Variants in PYROXD2 observed in about 807,000 individuals in gnomAD.
The protein encoded by PYROXD2 is pyridine nucleotide-disulfide oxidoreductase domain-containing protein 2.
PYROXD2 carries 69 observed loss-of-function variants against 71.1 expected under a neutral mutation model. The observed-to-expected ratio is 0.97, with a 90% CI of 0.80 to 1.19. The LOEUF (loss-of-function observed/expected upper bound fraction) is 1.19. Among genes scored for constraint, PYROXD2 ranks in the 50% most tolerant of loss-of-function variants. The pLI, the probability that PYROXD2 is intolerant of heterozygous loss-of-function variation, is 0.00. For missense variants in PYROXD2, 745 were observed against 748.9 expected (o/e 0.99, Z 0.06); for synonymous variants, 287 against 302.7 (o/e 0.95, Z 0.54).
chr10:98,392,628 C>A, intron 9 of PYROXD2, 62 bp from the exon 10 acceptor site: 1 of 1,592,368 alleles, frequency 6.3e-7, no homozygotes, highest in South Asian at 1.1e-5. Context: ...TTAGATCTTC[C>A]GGGATTTCCA....
chr10:98,399,379 A>AAT (rs1564803473), intron 5 of PYROXD2, among the ~76,000 whole-genome samples: 1 of 152,070 alleles, frequency 6.6e-6, no homozygotes, highest in Non-Finnish European at 1.5e-5. Flanking sequence ...CATCTCAGCT[A>AAT]ATATCCAGGC....
chr10:98,397,307 G>A, intron 6 of PYROXD2, 38 bp downstream of exon 6: 1 of 1,534,014 alleles, frequency 6.5e-7, no homozygotes, highest in Non-Finnish European at 8.8e-7. Context: ...CTCCTTGAAG[G>A]TCACTCATCA....
intron 6 of PYROXD2, 151 bp downstream of exon 6, chr10:98,397,194 C>T (rs890595749): frequency 9.3e-6 from 10 of 1,070,674 alleles, no homozygotes; most frequent in African/African-American, 1.6e-5. Context: ...CAACAAAGTG[C>T]TCCAGGCTGC....
chr10:98,394,729 T>C (rs1843095101), intron 8 of PYROXD2, among the ~76,000 whole-genome samples: 1 of 151,998 alleles, frequency 6.6e-6, no homozygotes, highest in Non-Finnish European at 1.5e-5. Context: ...CTGAGGTGTC[T>C]GTGTGAGTGT....
chr10:98,385,311 G>C (rs1021230123), intron 14 of PYROXD2, among the ~76,000 whole-genome samples: 1 of 152,226 alleles, frequency 6.6e-6, no homozygotes, highest in South Asian at 2.1e-4. Context: ...AACTGAACGG[G>C]AAGGAAAAGA....
At chr10:98,386,504 C>T (rs1842759059) in intron 14 of PYROXD2, among the ~76,000 whole-genome samples, 1 of 151,696 alleles carries the variant, frequency 6.6e-6, no homozygotes, top group Non-Finnish European at 1.5e-5. Context: ...GTGCATTCTA[C>T]ACTTGCAGCA....
At chr10:98,394,408 T>A (rs767559514) in intron 8 of PYROXD2, among the ~76,000 whole-genome samples, 6 of 152,106 alleles carry the variant, frequency 3.9e-5, no homozygotes, top group African/African-American at 9.7e-5. Flanking sequence ...GCTTAATATG[T>A]GTTGAAAAAC....
rs74372089 is a variant in PYROXD2, at chr10:98,383,570, T to C, written c.*228A>G. On this transcript the variant is annotated 3_prime_UTR_variant, in exon 16 of 16. Transcript: ENST00000370575. The stretch of plus-strand genomic sequence containing the variant: ...GAGAAAAAATACAAGCAAAATAATC[T>C]GTATGAAATATTAGTTTTAATAAAA... The C allele has an allele frequency of 0.011, 6,685 of 581,896 alleles. 318 individuals are homozygous for C. The highest frequency in any genetic ancestry group is 0.1 in the African/African-American group (5,559 of 53,404). The allele number at this position is 581,896 out of a possible 1,614,324, so 36.0% of individuals were successfully genotyped here.
intron 14 of PYROXD2, among the ~76,000 whole-genome samples, chr10:98,386,410 C>T (rs963874430): frequency 2.6e-5 from 4 of 151,768 alleles, no homozygotes; most frequent in African/African-American, 9.7e-5. Flanking sequence ...TTATTTAGCC[C>T]AATATATCCA....
At chr10:98,384,826 G>A in intron 15 of PYROXD2, 121 bp downstream of exon 15, 1 of 1,370,408 alleles carries the variant, frequency 7.3e-7, no homozygotes, top group Non-Finnish European at 9.6e-7. Context: ...CTTATGTTGG[G>A]AGTTCCCTGC....
At chr10:98,392,037 G>A (rs1842960933) in intron 10 of PYROXD2, among the ~76,000 whole-genome samples, 1 of 152,162 alleles carries the variant, frequency 6.6e-6, no homozygotes, top group Non-Finnish European at 1.5e-5. Flanking sequence ...TGTATGCCCA[G>A]AAGTATTGTG....
intron 8 of PYROXD2, among the ~76,000 whole-genome samples, chr10:98,394,818 A>C (rs573521820): frequency 6.6e-6 from 1 of 152,134 alleles, no homozygotes; most frequent in Non-Finnish European, 1.5e-5. Context: ...AGAAGAGGGA[A>C]GGGAAGAGGA....
chr10:98,389,316 T>C (rs1403626982), intron 12 of PYROXD2, among the ~76,000 whole-genome samples: 1 of 152,088 alleles, frequency 6.6e-6, no homozygotes, highest in Non-Finnish European at 1.5e-5. Flanking sequence ...TACCCAGTCT[T>C]CCAACACTTC....
chr10:98,401,658 T>A (rs950969251), intron 4 of PYROXD2, among the ~76,000 whole-genome samples: 6 of 152,196 alleles, frequency 3.9e-5, no homozygotes, highest in African/African-American at 1.2e-4. Flanking sequence ...GTTTTTAAAA[T>A]TTTTTATTTT....
At position 98,400,094 on chromosome 10, in the gene PYROXD2, T is replaced by G; in HGVS notation, c.471+8A>C. 3.1e-6 allele frequency: 5 copies of G among 1,611,818 alleles called. No individual in the cohort carries two copies. The highest frequency in any genetic ancestry group is 4.2e-6 in the Non-Finnish European group (5 of 1,178,800). ...AGCAGGAGCTCAGTCACTGGTCGCCTTCCCTACCTGGGCATCCTTCTGGGA... is the reference window on the plus strand; with the variant it reads ...AGCAGGAGCTCAGTCACTGGTCGCCGTCCCTACCTGGGCATCCTTCTGGGA... On this transcript the variant is annotated splice_region_variant and intron_variant, in intron 5 of 15. Coordinates refer to ENST00000370575, the MANE Select transcript of PYROXD2 (RefSeq NM_032709.3).
intron 6 of PYROXD2, among the ~76,000 whole-genome samples, chr10:98,396,563 T>C (rs369294766): frequency 1.1e-4 from 16 of 152,348 alleles, no homozygotes; most frequent in African/African-American, 3.6e-4. Flanking sequence ...TCCATTCGCA[T>C]ACTCATGGCA....
rs367994394 is a variant in PYROXD2 at position 98,392,977 on chromosome 10, C to T, written c.892G>A (p.Ala298Thr). ...GALSDAIASS[A>T]TTHGASIFTE... ...AAGATGCTTGCTCCATGTGTGGTGGCTGAGCTTGCGATCGCATCAGAGAGG... is the reference window on the plus strand; with the variant it reads ...AAGATGCTTGCTCCATGTGTGGTGGTTGAGCTTGCGATCGCATCAGAGAGG... Residue 298 changes from alanine (A) to threonine (T), a missense_variant, in exon 9 of 16, where the codon GCC (alanine) becomes ACC (threonine). By Grantham distance (58) the Ala-to-Thr change is moderately conservative. Coordinates refer to ENST00000370575, the MANE Select transcript of PYROXD2 (RefSeq NM_032709.3). The T allele has an allele frequency of 2.6e-5, 42 of 1,613,816 alleles. No homozygotes were observed. The highest frequency in any genetic ancestry group is 3.3e-5 in the Non-Finnish European group (39 of 1,179,888).
At chr10:98,414,029 T>C (rs1843878591) in intron 1 of PYROXD2, 1 of 151,984 alleles carries the variant, frequency 6.6e-6, no homozygotes. Flanking sequence ...TAAGCATGTG[T>C]ATATGTGTAT....
Position 98,385,007 on chromosome 10 carries a change from G to A in PYROXD2, c.1615C>T (p.His539Tyr). 1 of 1,613,880 alleles carries A rather than the reference G, an allele frequency of 6.2e-7. No individual in the cohort carries two copies. The highest frequency in any genetic ancestry group is 8.5e-7 in the Non-Finnish European group (1 of 1,179,916). The change falls in exon 15 of 16, where the codon CAT becomes TAT. Residue 539 changes from histidine (H) to tyrosine (Y), a missense_variant. Coordinates refer to ENST00000370575, the MANE Select transcript of PYROXD2 (RefSeq NM_032709.3). The stretch of plus-strand genomic sequence containing the variant: ...TGGAGAGGGCAGCGGTAGCCAGAAT[G>A]CAGGGGCACGGGGCGGGCGAAGTAG... ...QLYFARPVPL[H>Y]SGYRCPLQGL...
Sources: allele counts gnomAD v4.1 joint callset (sites outside exome capture counted in the v4.1 genomes callset), GRCh38; gene constraint gnomAD v4.1.1; transcripts MANE v1.5; gene names NCBI Gene and HGNC (gene_info 2026-07-23, HGNC 2026-07-21).